The following MAP7D3 variants were observed in gnomAD, a reference collection of about 807,000 sequenced individuals.
MAP7D3 encodes MAP7 domain containing 3.
In MAP7D3, 45 loss-of-function variants were observed where a neutral mutation model predicts 62.2. The ratio of observed to expected loss-of-function variants is 0.72; its 90% CI spans 0.57 to 0.93. The LOEUF (loss-of-function observed/expected upper bound fraction) is 0.93, where lower values mean the gene tolerates loss of function less well. Ranked by LOEUF, MAP7D3 falls within the 40% of genes least tolerant of loss-of-function variation. The pLI is 0.00. For missense variants in MAP7D3, 711 were observed against 683.1 expected (o/e 1.04, Z -0.45); for synonymous variants, 288 against 248.8 (o/e 1.16, Z -1.48).
upstream of MAP7D3, among the ~76,000 whole-genome samples, chrX:136,253,632 A>G (rs1468285471): frequency 8.9e-6 from 1 of 112,167 alleles, no homozygotes; most frequent in Non-Finnish European, 1.9e-5. Context: ...TGTATGGTAC[A>G]TGATATTGTA....
downstream of MAP7D3, among the ~76,000 whole-genome samples, chrX:136,216,358 C>CCA (rs2074061805): frequency 8.4e-5 from 1 of 11,921 alleles, no homozygotes; most frequent in South Asian, 5.9e-3. Context: ...GACCCTATCT[C>CCA]TAAAAAAAAA....
intron 7 of MAP7D3, among the ~76,000 whole-genome samples, chrX:136,232,537 A>C (rs1297129949): frequency 1.8e-5 from 2 of 112,616 alleles, no homozygotes; most frequent in African/African-American, 6.5e-5. Flanking sequence ...ACTATATTTC[A>C]GAATAATTTT....
chrX:136,220,719 C>A (rs2074116562), intron 16 of MAP7D3, 46 bp downstream of exon 16: 1 of 1,037,085 alleles, frequency 9.6e-7, no homozygotes. Context: ...GATTGTCAAT[C>A]ATAATCCTGC....
rs1569532354 is a variant in MAP7D3, at chrX:136,245,946, A to C, written c.253+119T>G. The C allele has an allele frequency of 7.0e-5, 30 of 425,733 alleles. No individual in the cohort carries two copies. In the East Asian group the frequency reaches 1.2e-3, roughly 18 times the overall value. The allele number at this position is 425,733 out of a possible 1,213,427, so 35.1% of individuals were successfully genotyped here. Reference sequence around the variant, plus strand: ...TTAGTAAAAGGATTTAATCCAAAATAATACATAATATAAAAATTATACTCT... The same window carrying C: ...TTAGTAAAAGGATTTAATCCAAAATCATACATAATATAAAAATTATACTCT... On this transcript the variant is annotated intron_variant, in intron 3 of 18. Coordinates refer to ENST00000316077, the MANE Select transcript of MAP7D3 (RefSeq NM_024597.4).
chrX:136,222,601 G>C, intron 14 of MAP7D3, 115 bp from the exon 15 acceptor site: 2 of 582,861 alleles, frequency 3.4e-6, no homozygotes, highest in Admixed American at 6.2e-5. Flanking sequence ...TCATTTCAAC[G>C]AAAAGGTAAA....
downstream of MAP7D3, chrX:136,214,917 G>A (rs918689802): frequency 8.9e-6 from 1 of 111,980 alleles, no homozygotes; most frequent in African/African-American, 3.2e-5. Flanking sequence ...GGAACATCCT[G>A]GTAGACAGTT....
At chrX:136,236,668 T>G (rs1341726790) in intron 6 of MAP7D3, among the ~76,000 whole-genome samples, 3 of 112,212 alleles carry the variant, frequency 2.7e-5, no homozygotes, top group African/African-American at 9.7e-5. Context: ...ACTAGTATTT[T>G]TGTTATATAT....
upstream of MAP7D3, among the ~76,000 whole-genome samples, chrX:136,254,848 G>A (rs1034848824): frequency 2.7e-5 from 3 of 110,789 alleles, no homozygotes; most frequent in African/African-American, 9.8e-5. Context: ...GGATCTTAAT[G>A]TAAAATCTAT....
At chrX:136,238,852 TA>T (rs1176601167) in intron 6 of MAP7D3, among the ~76,000 whole-genome samples, 1 of 111,424 alleles carries the variant, frequency 9.0e-6, no homozygotes, top group Non-Finnish European at 1.9e-5. Context: ...ATCTTTTCCA[TA>T]AGGTTAACTA....
intron 18 of MAP7D3, among the ~76,000 whole-genome samples, chrX:136,219,103 G>A (rs1241509994): frequency 3.6e-5 from 4 of 112,395 alleles, no homozygotes; most frequent in African/African-American, 1.3e-4. Context: ...TGCCCGCCTT[G>A]GCCTCCCAAA....
chrX:136,243,445 C>A (rs952274733), intron 4 of MAP7D3, among the ~76,000 whole-genome samples: 2 of 112,052 alleles, frequency 1.8e-5, no homozygotes, highest in African/African-American at 6.5e-5. Context: ...TGGCTCACGC[C>A]TGTAATCCCA....
At chrX:136,238,534 T>G (rs1043151495) in intron 6 of MAP7D3, among the ~76,000 whole-genome samples, 87 of 112,090 alleles carry the variant, frequency 7.8e-4, no homozygotes, top group Non-Finnish European at 1.5e-3. Flanking sequence ...AATTTTACCA[T>G]ATTATAAGCA....
In MAP7D3 at chrX:136,244,743, A is replaced by C. The variant is rs2074428686; in HGVS notation, c.306T>G (p.Tyr102Ter). 2 of 1,196,966 alleles carry C rather than the reference A, an allele frequency of 1.7e-6. No homozygotes were observed. The highest frequency in any genetic ancestry group is 2.2e-5 in the Admixed American group (1 of 45,293). The change falls in exon 4 of 19, where the codon TAT (tyrosine) becomes TAG (stop). Residue 102 changes from tyrosine to a stop codon, truncating the protein, a stop_gained. Coordinates refer to ENST00000316077, the MANE Select transcript of MAP7D3 (RefSeq NM_024597.4). LOFTEE classifies it high-confidence loss of function. ...LEKERKTKLQ[Y>*]EKQMEERQRK... is the part of the protein sequence containing the mutation. ...TCTGTCTTTCCTCCATCTGTTTTTCATATTGGAGCTTGGTCTTTCTTTCTT... is the reference window on the plus strand; with the variant it reads ...TCTGTCTTTCCTCCATCTGTTTTTCCTATTGGAGCTTGGTCTTTCTTTCTT...
intron 13 of MAP7D3, 33 bp from the exon 14 acceptor site, chrX:136,224,913 A>G (rs1339073376): frequency 1.0e-6 from 1 of 980,227 alleles, no homozygotes. Flanking sequence ...TCAAACATGA[A>G]AACAGATTAG....
intron 15 of MAP7D3, chrX:136,221,684 AG>A (rs1410621682): frequency 2.7e-5 from 3 of 112,448 alleles, no homozygotes; most frequent in Non-Finnish European, 5.6e-5. Flanking sequence ...AGGCAGACTG[AG>A]GGGCTCTTAC....
intron 14 of MAP7D3, among the ~76,000 whole-genome samples, chrX:136,223,482 A>G (rs1419229900): frequency 9.0e-6 from 1 of 110,839 alleles, no homozygotes; most frequent in Non-Finnish European, 1.9e-5. Flanking sequence ...TGTCTGGTTC[A>G]TCAATAGACA....
At chrX:136,255,758 C>T (rs2074548115), upstream of MAP7D3, among the ~76,000 whole-genome samples, 1 of 111,184 alleles carries the variant, frequency 9.0e-6, no homozygotes, top group East Asian at 2.8e-4. Flanking sequence ...CTCTCCTCCC[C>T]GTATTTGGAA....
At position 136,231,721 on chromosome X, in the gene MAP7D3, C is replaced by G; in HGVS notation, c.1236G>C (p.Gly412=). The G allele has an allele frequency of 3.3e-6, 4 of 1,211,660 alleles. No individual in the cohort carries two copies. The highest frequency in any genetic ancestry group is 4.5e-6 in the Non-Finnish European group (4 of 895,480). Residue 412 remains glycine (G), a synonymous_variant, in exon 8 of 19, where the codon GGG becomes GGC. Coordinates refer to ENST00000316077, the MANE Select transcript of MAP7D3 (RefSeq NM_024597.4). ...PEVSVEAAPE[G]SLEAPPKGSA... ...TCCCCTTGGGAGGTGCTTCCAGGCT[C>G]CCCTCTGGGGCTGCTTCCACGCTCA...
chrX:136,250,616 G>GCCAA (rs1206984330), intron 1 of MAP7D3, among the ~76,000 whole-genome samples: 1 of 111,784 alleles, frequency 8.9e-6, no homozygotes, highest in Non-Finnish European at 1.9e-5. Context: ...GATGCAAAGA[G>GCCAA]CCAAGTTTCA....
Sources: allele counts gnomAD v4.1 joint callset (sites outside exome capture counted in the v4.1 genomes callset), GRCh38; gene constraint gnomAD v4.1.1; transcripts MANE v1.5; gene names NCBI Gene and HGNC (gene_info 2026-07-23, HGNC 2026-07-21).